Variants in VTCN1 observed in about 807,000 individuals in gnomAD.
VTCN1 encodes V-set domain containing T cell activation inhibitor 1.
In VTCN1, 26 loss-of-function variants were observed where a neutral mutation model predicts 26.5. The observed-to-expected ratio is 0.98, with a 90% CI of 0.72 to 1.36. VTCN1 has a LOEUF of 1.36. Among genes scored for constraint, VTCN1 ranks in the 40% most tolerant of loss-of-function variants. The pLI is 0.00. For missense variants in VTCN1, 298 were observed against 337.7 expected (o/e 0.88, Z 0.92); for synonymous variants, 116 against 130.7 (o/e 0.89, Z 0.77).
intron 2 of VTCN1, among the ~76,000 whole-genome samples, chr1:117,165,726 C>T (rs1000968719): frequency 2.0e-4 from 30 of 152,358 alleles, no homozygotes; most frequent in African/African-American, 7.0e-4. Flanking sequence ...GCCAATTAAA[C>T]TTCTTTTCTT....
At chr1:117,166,364 A>G (rs1652607141) in intron 2 of VTCN1, among the ~76,000 whole-genome samples, 1 of 152,194 alleles carries the variant, frequency 6.6e-6, no homozygotes, top group African/African-American at 2.4e-5. Flanking sequence ...AGGTCCAAGA[A>G]AGTTTAGTCA....
intron 1 of VTCN1, among the ~76,000 whole-genome samples, chr1:117,205,157 T>TATATAGAG (rs112844786): frequency 2.2e-5 from 3 of 137,994 alleles, no homozygotes; most frequent in South Asian, 4.7e-4. Context: ...TATATATATA[T>TATATAGAG]AGAGAGAGAG....
chr1:117,165,387 C>T (rs140902641), intron 2 of VTCN1, among the ~76,000 whole-genome samples: 2 of 152,280 alleles, frequency 1.3e-5, no homozygotes, highest in African/African-American at 4.8e-5. Flanking sequence ...TCACCCAAAT[C>T]TCATGTTGAA....
chr1:117,168,920 G>C (rs1403231615), intron 2 of VTCN1, among the ~76,000 whole-genome samples: 3 of 152,168 alleles, frequency 2.0e-5, no homozygotes, highest in Non-Finnish European at 4.4e-5. Context: ...TGATGACAAA[G>C]AAAGTGGGGA....
chr1:117,156,230 G>A (rs562228992), intron 3 of VTCN1, among the ~76,000 whole-genome samples: 12 of 152,230 alleles, frequency 7.9e-5, no homozygotes, highest in African/African-American at 2.6e-4. Context: ...TCAGGATTGC[G>A]CTTGGGTCTA....
intron 1 of VTCN1, among the ~76,000 whole-genome samples, chr1:117,193,232 C>T (rs1414371383): frequency 2.0e-5 from 3 of 152,054 alleles, no homozygotes; most frequent in East Asian, 1.9e-4. Flanking sequence ...CCCACAGATA[C>T]TTAGGGATGA....
chr1:117,177,216 G>C (rs1238326167), intron 1 of VTCN1, among the ~76,000 whole-genome samples: 2 of 152,186 alleles, frequency 1.3e-5, no homozygotes, highest in African/African-American at 4.8e-5. Flanking sequence ...ATGCTATGTG[G>C]AATAAAGCAT....
At chr1:117,178,588 G>GTTT (rs10657719) in intron 1 of VTCN1, among the ~76,000 whole-genome samples, 53,304 of 88,080 alleles carry the variant, frequency 0.61, 17,468 homozygotes, top group East Asian at 0.94. Flanking sequence ...TCTTTCTTTC[G>GTTT]TTTTTTTTTT....
intron 1 of VTCN1, among the ~76,000 whole-genome samples, chr1:117,197,935 GC>G (rs1301428583): frequency 6.6e-6 from 1 of 152,122 alleles, no homozygotes; most frequent in Non-Finnish European, 1.5e-5. Context: ...AAAGCAAAAG[GC>G]TTGTTTGTAT....
intron 4 of VTCN1, among the ~76,000 whole-genome samples, chr1:117,152,306 T>G (rs1403928125): frequency 6.6e-6 from 1 of 152,232 alleles, no homozygotes; most frequent in Non-Finnish European, 1.5e-5. Flanking sequence ...GTACTTATAA[T>G]GTGTAAGGTA....
intron 1 of VTCN1, among the ~76,000 whole-genome samples, chr1:117,204,694 G>A (rs1193638329): frequency 6.6e-6 from 1 of 151,876 alleles, no homozygotes; most frequent in Non-Finnish European, 1.5e-5. Flanking sequence ...GTGAAACCTC[G>A]TCTCTACTAA....
intron 4 of VTCN1, among the ~76,000 whole-genome samples, chr1:117,152,069 G>A (rs1269480799): frequency 1.3e-5 from 2 of 152,084 alleles, no homozygotes; most frequent in Admixed American, 6.5e-5. Context: ...GATTTTTGTT[G>A]TTGTTGAGTT....
At position 117,147,787 on chromosome 1, in the gene VTCN1, G is replaced by C. The variant is rs369873558; in HGVS notation, c.725-5C>G. Reference sequence around the variant, plus strand: ...TCCGCCTTTTGATCTCCGATTCTGTGAAGTGAGAGAAAAAGTTTAGGGTCA... The same window carrying C: ...TCCGCCTTTTGATCTCCGATTCTGTCAAGTGAGAGAAAAAGTTTAGGGTCA... On this transcript the variant is annotated splice_region_variant and splice_polypyrimidine_tract_variant and intron_variant, in intron 4 of 5. Coordinates refer to ENST00000369458, the MANE Select transcript of VTCN1 (RefSeq NM_024626.4). This position sits in a 1 kb window ranked among gnomAD's most constrained non-coding sequence, Gnocchi z 4.6. 3.7e-5 allele frequency: 59 copies of C among 1,612,486 alleles called. No homozygotes were observed. In the African/African-American group the frequency reaches 6.9e-4, roughly 19 times the overall value.
intron 4 of VTCN1, among the ~76,000 whole-genome samples, chr1:117,151,893 A>G (rs1233024135): frequency 2.0e-5 from 3 of 152,138 alleles, no homozygotes; most frequent in Non-Finnish European, 2.9e-5. Flanking sequence ...TTTTTAGAGT[A>G]GCCACCCTAA....
intron 2 of VTCN1, among the ~76,000 whole-genome samples, chr1:117,162,972 G>C (rs1002514237): frequency 3.3e-5 from 5 of 152,182 alleles, no homozygotes; most frequent in African/African-American, 1.2e-4. Context: ...GTAGCATAGA[G>C]AGCATGCTAG....
chr1:117,196,985 G>A (rs1239554266), intron 1 of VTCN1, among the ~76,000 whole-genome samples: 1 of 152,140 alleles, frequency 6.6e-6, no homozygotes, highest in Non-Finnish European at 1.5e-5. Context: ...CCACCATCTT[G>A]CAGCTCACTT....
intron 1 of VTCN1, chr1:117,172,261 C>A (rs1570960169): frequency 4.1e-6 from 2 of 485,450 alleles, no homozygotes; most frequent in Non-Finnish European, 8.2e-6. Context: ...CAGGAATGGG[C>A]CCACCAGACA....
chr1:117,210,662 C>A (rs1043426482), intron 1 of VTCN1, among the ~76,000 whole-genome samples, 162 bp downstream of exon 1: 3 of 152,226 alleles, frequency 2.0e-5, no homozygotes, highest in Non-Finnish European at 4.4e-5. Flanking sequence ...TAAGTCAAAT[C>A]CAGTTAGGCT....
chr1:117,176,601 TTA>T (rs1647366839), intron 1 of VTCN1, among the ~76,000 whole-genome samples: 1 of 152,222 alleles, frequency 6.6e-6, no homozygotes, highest in African/African-American at 2.4e-5. Flanking sequence ...GATCATTAGT[TTA>T]GCTCCACTCG....
Sources: allele counts gnomAD v4.1 joint callset (sites outside exome capture counted in the v4.1 genomes callset), GRCh38; gene constraint gnomAD v4.1.1; non-coding constraint Gnocchi (gnomAD v3.1); transcripts MANE v1.5; gene names NCBI Gene and HGNC (gene_info 2026-07-23, HGNC 2026-07-21).